Variants in GLIS3 observed in about 807,000 individuals in gnomAD.
GLIS3 encodes the protein zinc finger protein GLIS3.
GLIS3 carries 53 observed loss-of-function variants against 78.6 expected under a neutral mutation model. The observed-to-expected ratio is 0.67, with a 90% CI of 0.54 to 0.85. The LOEUF is 0.85. Ranked by LOEUF, GLIS3 falls within the 40% of genes least tolerant of loss-of-function variation. The pLI is 0.00. For synonymous variants in GLIS3, 684 were observed against 509.9 expected (o/e 1.34, Z -4.60); for missense variants, 1,703 against 1,231.1 (o/e 1.38, Z -5.74).
intron 8 of GLIS3, among the ~76,000 whole-genome samples, chr9:3,860,397 G>C (rs1005078568): frequency 6.6e-6 from 1 of 150,518 alleles, no homozygotes; most frequent in African/African-American, 2.4e-5. Flanking sequence ...GTATTTACTT[G>C]GCCACTCTCC....
chr9:4,443,859 G>C, the GLIS3 span, among the ~76,000 whole-genome samples: 3 of 152,118 alleles, frequency 2.0e-5, no homozygotes, highest in African/African-American at 7.2e-5. Context: ...TGTCAAAAAG[G>C]TTGGCTCAAA....
intron 4 of GLIS3, among the ~76,000 whole-genome samples, chr9:3,990,055 C>T (rs188816044): frequency 2.0e-5 from 3 of 152,320 alleles, no homozygotes; most frequent in Admixed American, 1.3e-4. Context: ...TTACAATTAT[C>T]TCAACAAACA....
intron 4 of GLIS3, among the ~76,000 whole-genome samples, chr9:3,955,543 T>A (rs757779816): frequency 4.6e-5 from 7 of 152,064 alleles, no homozygotes; most frequent in Non-Finnish European, 1.0e-4. Context: ...CTTAAAAACA[T>A]CATACCAATG....
chr9:4,213,436 C>T (rs1257769094), intron 2 of GLIS3, among the ~76,000 whole-genome samples: 1 of 152,230 alleles, frequency 6.6e-6, no homozygotes, highest in Non-Finnish European at 1.5e-5. Context: ...TGTCACTAAA[C>T]AAGGACTGTC....
the GLIS3 span, among the ~76,000 whole-genome samples, chr9:4,414,354 T>C: frequency 1.3e-5 from 2 of 152,152 alleles, no homozygotes; most frequent in African/African-American, 4.8e-5. Context: ...CGTAACTCAA[T>C]GTGAGTATGC....
rs138590985 is a variant in GLIS3 at position 4,261,720 on chromosome 9, C to G, written c.388+24318G>C. On this transcript the variant is annotated intron_variant, in intron 2 of 10. Transcript: ENST00000381971. ...TTCATCTTTGTCAATGGCCATAAAC[C>G]CGCAATTTCACTAAACGCAATTCCC... Among the ~76,000 whole-genome samples, 546 of 152,246 alleles carry G rather than the reference C, an allele frequency of 3.6e-3. 4 individuals are homozygous for G. Among genetic ancestry groups the G allele is most frequent in the African/African-American group, 0.012 (513 of 41,544 alleles).
intron 8 of GLIS3, chr9:3,878,492 C>T (rs1293137295): frequency 6.6e-6 from 1 of 152,170 alleles, no homozygotes; most frequent in East Asian, 1.9e-4. Context: ...TTACCAAACT[C>T]ATAGGTCAGG....
At chr9:4,276,358 GAAGGAGAGGGCACGGGAGGGGAGGT>G (rs1826985980) in intron 2 of GLIS3, among the ~76,000 whole-genome samples, 1 of 80,210 alleles carries the variant, frequency 1.2e-5, no homozygotes, top group African/African-American at 4.7e-5. Context: ...GCACGGGAGG[GAAGGAGAGGGCACGGGAGGGGAGGT>G]GAGGGGAGGG....
chr9:4,013,682 C>A (rs1428627412), intron 4 of GLIS3, among the ~76,000 whole-genome samples: 1 of 152,106 alleles, frequency 6.6e-6, no homozygotes, highest in Admixed American at 6.6e-5. Context: ...ACTAGGCCAC[C>A]TTTTCTTCAC....
intron 9 of GLIS3, among the ~76,000 whole-genome samples, chr9:3,842,088 C>T (rs565425065): frequency 1.3e-5 from 2 of 152,220 alleles, no homozygotes; most frequent in African/African-American, 4.8e-5. Context: ...ACAGAGATTT[C>T]ATGGATTACT....
chr9:3,892,630 G>C (rs1822539719), intron 7 of GLIS3, among the ~76,000 whole-genome samples: 1 of 152,124 alleles, frequency 6.6e-6, no homozygotes, highest in East Asian at 1.9e-4. Context: ...GTATAAAAAA[G>C]ATGAAATTTC....
At chr9:4,404,873 A>G in the GLIS3 span, among the ~76,000 whole-genome samples, 1 of 152,196 alleles carries the variant, frequency 6.6e-6, no homozygotes, top group Admixed American at 6.5e-5. Context: ...TGAAGATCAG[A>G]GCAGAAATAA....
At chr9:4,237,265 G>A (rs1349517226) in intron 2 of GLIS3, among the ~76,000 whole-genome samples, 2 of 151,936 alleles carry the variant, frequency 1.3e-5, no homozygotes, top group African/African-American at 4.8e-5. Context: ...TAAAGGCATA[G>A]CCGGTTAAGT....
intron 4 of GLIS3, among the ~76,000 whole-genome samples, chr9:3,954,781 A>G (rs1816974723): frequency 6.6e-6 from 1 of 152,234 alleles, no homozygotes. Flanking sequence ...TTCAGGATCT[A>G]GAGGATGCAT....
chr9:4,035,071 TGAAAA>T (rs1328875241), intron 4 of GLIS3: 1 of 152,124 alleles, frequency 6.6e-6, no homozygotes, highest in Non-Finnish European at 1.5e-5. Context: ...AGCAGAAACT[TGAAAA>T]GAAGCAGCAA....
At chr9:4,426,229 G>C in the GLIS3 span, among the ~76,000 whole-genome samples, 1 of 152,142 alleles carries the variant, frequency 6.6e-6, no homozygotes, top group African/African-American at 2.4e-5. Context: ...CAAACAGAGA[G>C]TAGGCTGAGT....
At chr9:4,134,992 A>G (rs952429735) in intron 2 of GLIS3, among the ~76,000 whole-genome samples, 15 of 152,176 alleles carry the variant, frequency 9.9e-5, no homozygotes, top group South Asian at 2.1e-4. Flanking sequence ...ACTCTCACAC[A>G]AAGTTATGCC....
chr9:4,348,637 A>C (rs1462975242), upstream of GLIS3, among the ~76,000 whole-genome samples: 1 of 152,228 alleles, frequency 6.6e-6, no homozygotes, highest in Non-Finnish European at 1.5e-5. Context: ...GGTGGGAACG[A>C]AATTTGAGGA....
At chr9:3,934,434 G>A (rs1825783391) in intron 5 of GLIS3, among the ~76,000 whole-genome samples, 1 of 148,760 alleles carries the variant, frequency 6.7e-6, no homozygotes, top group Admixed American at 6.7e-5. Flanking sequence ...TTTTGAGATG[G>A]AGTCGCAATC....
Sources: allele counts gnomAD v4.1 joint callset (sites outside exome capture counted in the v4.1 genomes callset), GRCh38; gene constraint gnomAD v4.1.1; transcripts MANE v1.5; gene names NCBI Gene and HGNC (gene_info 2026-07-23, HGNC 2026-07-21).